The following GPC5 variants were observed in gnomAD, a reference collection of about 807,000 sequenced individuals.
GPC5 encodes glypican 5.
Under a neutral mutation model 53.9 loss-of-function variants are expected in GPC5, and 47 were observed. The observed-to-expected ratio is 0.87, with a 90% CI of 0.69 to 1.11. The LOEUF (loss-of-function observed/expected upper bound fraction) is 1.11, where lower values mean the gene tolerates loss of function less well. GPC5 is among the 50% of genes most tolerant of loss of function. The pLI, the probability that GPC5 is intolerant of heterozygous loss-of-function variation, is 0.00. For missense variants in GPC5, 748 were observed against 713.1 expected (o/e 1.05, Z -0.56); for synonymous variants, 286 against 263.3 (o/e 1.09, Z -0.84).
intron 2 of GPC5, among the ~76,000 whole-genome samples, chr13:91,689,846 C>T (rs938959660): frequency 2.0e-5 from 3 of 151,630 alleles, no homozygotes; most frequent in African/African-American, 7.3e-5. Context: ...TTATGGTTAA[C>T]TTAAAAAAAA....
intron 7 of GPC5, among the ~76,000 whole-genome samples, chr13:92,522,826 C>T (rs2138971950): frequency 6.6e-6 from 1 of 152,070 alleles, no homozygotes; most frequent in East Asian, 1.9e-4. Flanking sequence ...AACTTATTTG[C>T]TAAATTCTGT....
At chr13:92,177,191 G>A (rs982489121) in intron 7 of GPC5, among the ~76,000 whole-genome samples, 5 of 152,046 alleles carry the variant, frequency 3.3e-5, no homozygotes, top group South Asian at 2.1e-4. Flanking sequence ...GCTTTTACAC[G>A]GCATCTCAAC....
intron 7 of GPC5, among the ~76,000 whole-genome samples, chr13:92,781,097 A>C (rs1436219312): frequency 6.6e-6 from 1 of 152,138 alleles, no homozygotes; most frequent in East Asian, 1.9e-4. Flanking sequence ...TCTTAACTGA[A>C]GGAAGCTATT....
intron 4 of GPC5, among the ~76,000 whole-genome samples, chr13:91,753,741 G>A (rs2037229016): frequency 6.6e-6 from 1 of 152,138 alleles, no homozygotes. Flanking sequence ...TAGTGAAACT[G>A]CATACTACCC....
At chr13:91,819,094 G>A (rs541865137) in intron 5 of GPC5, among the ~76,000 whole-genome samples, 10 of 143,906 alleles carry the variant, frequency 6.9e-5, no homozygotes, top group Admixed American at 4.2e-4. Context: ...GCTGTCAGAT[G>A]TAAGCAATAT....
intron 6 of GPC5, among the ~76,000 whole-genome samples, chr13:91,923,860 G>C (rs762485474): frequency 6.6e-6 from 1 of 152,004 alleles, no homozygotes; most frequent in Non-Finnish European, 1.5e-5. Context: ...AAAAGCAAAT[G>C]AGCTTGTCGG....
intron 5 of GPC5, among the ~76,000 whole-genome samples, chr13:91,810,366 T>C (rs2038290673): frequency 6.6e-6 from 1 of 151,974 alleles, no homozygotes; most frequent in Non-Finnish European, 1.5e-5. Context: ...GGGCACAGTA[T>C]TTGAATATTA....
At chr13:92,855,463 A>G (rs893564470) in intron 7 of GPC5, among the ~76,000 whole-genome samples, 3 of 152,058 alleles carry the variant, frequency 2.0e-5, no homozygotes, top group Non-Finnish European at 2.9e-5. Context: ...GAACTCCCTA[A>G]TATAACCATT....
chr13:92,434,743 C>T (rs1307230631), intron 7 of GPC5, among the ~76,000 whole-genome samples: 2 of 152,200 alleles, frequency 1.3e-5, no homozygotes, highest in East Asian at 3.9e-4. Flanking sequence ...AAAACTATCT[C>T]CCAGAGGTAT....
intron 7 of GPC5, among the ~76,000 whole-genome samples, chr13:92,824,696 T>G (rs2138813674): frequency 6.9e-6 from 1 of 145,496 alleles, no homozygotes; most frequent in Non-Finnish European, 1.5e-5. Context: ...ATCAATATCT[T>G]ACTTTAAATC....
chr13:91,674,069 C>T (rs555312995), intron 2 of GPC5, among the ~76,000 whole-genome samples: 82 of 152,276 alleles, frequency 5.4e-4, no homozygotes, highest in African/African-American at 2.0e-3. Context: ...GCACCTTTAT[C>T]TTTGTAACTG....
chr13:92,231,527 T>A (rs1334328162), intron 7 of GPC5, among the ~76,000 whole-genome samples: 1 of 152,064 alleles, frequency 6.6e-6, no homozygotes, highest in Non-Finnish European at 1.5e-5. Context: ...TTTAACTCTA[T>A]CATTAAGAAG....
chr13:92,849,391 AC>A (rs1358914332), intron 7 of GPC5, among the ~76,000 whole-genome samples: 5 of 152,240 alleles, frequency 3.3e-5, no homozygotes, highest in Non-Finnish European at 7.3e-5. Context: ...GATAGGATAT[AC>A]AAGCCAAGAT....
At chr13:92,552,786 A>G (rs1882362311) in intron 7 of GPC5, among the ~76,000 whole-genome samples, 2 of 151,914 alleles carry the variant, frequency 1.3e-5, no homozygotes, top group South Asian at 4.1e-4. Context: ...TGAAGTATTA[A>G]ACATTGTTGA....
chr13:92,208,413 A>G (rs1341777420), intron 7 of GPC5, among the ~76,000 whole-genome samples: 1 of 152,220 alleles, frequency 6.6e-6, no homozygotes, highest in African/African-American at 2.4e-5. Context: ...ACCATATTCT[A>G]TTAATCCCAC....
chr13:92,164,549 C>T (rs9560953), intron 7 of GPC5, among the ~76,000 whole-genome samples: 7,679 of 152,274 alleles, frequency 0.05, 464 homozygotes, highest in African/African-American at 0.14. Context: ...TTCATTCCTT[C>T]GACTTTGCAG....
chr13:92,771,099 C>T (rs185062575), intron 7 of GPC5, among the ~76,000 whole-genome samples: 1 of 152,188 alleles, frequency 6.6e-6, no homozygotes, highest in Non-Finnish European at 1.5e-5. Flanking sequence ...GGGGGCTGGA[C>T]TCTCCCTGTG....
At chr13:91,729,042 A>G (rs1358467951) in intron 4 of GPC5, among the ~76,000 whole-genome samples, 1 of 152,230 alleles carries the variant, frequency 6.6e-6, no homozygotes, top group African/African-American at 2.4e-5. Context: ...AATTGTAAAT[A>G]TGGCTAGTGG....
At chr13:92,750,442 G>A (rs1022627465) in intron 7 of GPC5, among the ~76,000 whole-genome samples, 2 of 151,728 alleles carry the variant, frequency 1.3e-5, no homozygotes, top group Admixed American at 6.6e-5. Flanking sequence ...AATGCTGGAA[G>A]AGGAAAAGAA....
Sources: allele counts gnomAD v4.1 joint callset (sites outside exome capture counted in the v4.1 genomes callset), GRCh38; gene constraint gnomAD v4.1.1; transcripts MANE v1.5; gene names NCBI Gene and HGNC (gene_info 2026-07-23, HGNC 2026-07-21).